The following MYO1B variants were observed in gnomAD, a reference collection of about 807,000 sequenced individuals.
MYO1B encodes the protein myosin IB, also known as unconventional myosin-Ib.
In MYO1B, 72 loss-of-function variants were observed where a neutral mutation model predicts 159.7. The ratio of observed to expected loss-of-function variants is 0.45; its 90% CI spans 0.37 to 0.55. The LOEUF is 0.55. Ranked by LOEUF, MYO1B falls within the 20% of genes least tolerant of loss-of-function variation. MYO1B has a pLI of 0.00. For synonymous variants in MYO1B, 468 were observed against 473.8 expected (o/e 0.99, Z 0.16); for missense variants, 1,062 against 1,364.8 (o/e 0.78, Z 3.50).
intron 24 of MYO1B, among the ~76,000 whole-genome samples, chr2:191,407,303 A>G (rs911224771): frequency 1.3e-5 from 2 of 152,232 alleles, no homozygotes; most frequent in Admixed American, 1.3e-4. Flanking sequence ...GAAAAAAGAT[A>G]TGTAATATCT....
chr2:191,414,746 A>T, intron 29 of MYO1B, 77 bp downstream of exon 29: 1 of 1,482,786 alleles, frequency 6.7e-7, no homozygotes, highest in African/African-American at 1.4e-5. Context: ...TGATAATCCT[A>T]TCGCAGTTTA....
chr2:191,373,091 C>T (rs1418157743), intron 13 of MYO1B, among the ~76,000 whole-genome samples: 1 of 151,916 alleles, frequency 6.6e-6, no homozygotes. Flanking sequence ...ACTTCATGAT[C>T]CACCCACCTC....
chr2:191,413,936 C>T, intron 27 of MYO1B, 112 bp from the exon 28 acceptor site: 2 of 1,091,162 alleles, frequency 1.8e-6, no homozygotes, highest in Non-Finnish European at 2.6e-6. Context: ...AAATTGAAAT[C>T]AATTTTTATG....
At chr2:191,312,853 G>T (rs1197096156) in intron 3 of MYO1B, among the ~76,000 whole-genome samples, 7 of 152,212 alleles carry the variant, frequency 4.6e-5, no homozygotes, top group Admixed American at 2.6e-4. Flanking sequence ...CTGGCATTAG[G>T]TTCATAGTAA....
chr2:191,273,308 A>T (rs1687568394), intron 1 of MYO1B, among the ~76,000 whole-genome samples: 1 of 152,088 alleles, frequency 6.6e-6, no homozygotes, highest in Non-Finnish European at 1.5e-5. Context: ...TTTTTAGTAG[A>T]GACAGGGTTT....
At chr2:191,272,434 C>T (rs555320598) in intron 1 of MYO1B, among the ~76,000 whole-genome samples, 1 of 152,332 alleles carries the variant, frequency 6.6e-6, no homozygotes, top group South Asian at 2.1e-4. Flanking sequence ...TAGTAGAATC[C>T]ACCTGGGGCT....
intron 5 of MYO1B, among the ~76,000 whole-genome samples, chr2:191,344,970 A>C (rs1407286201): frequency 6.6e-6 from 1 of 152,128 alleles, no homozygotes; most frequent in African/African-American, 2.4e-5. Context: ...GAGACTTCTG[A>C]CTGCTTTCAA....
chr2:191,375,997 A>C (rs754815069), intron 13 of MYO1B, among the ~76,000 whole-genome samples: 4 of 152,124 alleles, frequency 2.6e-5, no homozygotes, highest in Admixed American at 6.5e-5. Flanking sequence ...TGTGTGGAAT[A>C]ATTGGAATAT....
At chr2:191,333,941 T>TGCTGTATCTAC (rs1371620460) in intron 4 of MYO1B, among the ~76,000 whole-genome samples, 1 of 152,188 alleles carries the variant, frequency 6.6e-6, no homozygotes, top group Non-Finnish European at 1.5e-5. Context: ...TCTGTACTGA[T>TGCTGTATCTAC]GCTGTATCTA....
intron 2 of MYO1B, among the ~76,000 whole-genome samples, chr2:191,285,834 T>C (rs1688331479): frequency 6.6e-6 from 1 of 152,154 alleles, no homozygotes; most frequent in Admixed American, 6.5e-5. Flanking sequence ...TGTTGGTTCA[T>C]GAGCCGTCCT....
intron 13 of MYO1B, 100 bp from the exon 14 acceptor site, chr2:191,381,361 TC>T: frequency 2.3e-6 from 2 of 862,326 alleles, no homozygotes; most frequent in Non-Finnish European, 3.9e-6. Context: ...ATCTGAGAGA[TC>T]ATGTGTGGCA....
intron 11 of MYO1B, among the ~76,000 whole-genome samples, chr2:191,368,445 C>G (rs1694150281): frequency 6.6e-6 from 1 of 152,146 alleles, no homozygotes; most frequent in Non-Finnish European, 1.5e-5. Flanking sequence ...CTCATTAGTA[C>G]TTACTTACTG....
rs376469536 is a variant in MYO1B at position 191,270,678 on chromosome 2, A to G, written c.-9-6209A>G. On this transcript the variant is annotated intron_variant, in intron 1 of 30. Transcript: ENST00000392318. ...TTAGGTACTGAACCACATCCTACAG[A>G]CTTGGCTCCTCTTTTGCCTTTGTTT... Among the ~76,000 whole-genome samples the G allele has an allele frequency of 8.5e-5, 13 of 152,310 alleles. No individual in the cohort carries two copies. The East Asian group carries it at 1.2e-3, about 14-fold the overall frequency.
At chr2:191,246,479 G>A (rs1685801710) in intron 1 of MYO1B, 1 of 152,128 alleles carries the variant, frequency 6.6e-6, no homozygotes, top group Non-Finnish European at 1.5e-5. Context: ...CAAGTTGTGT[G>A]CTTCTTGAGT....
chr2:191,248,015 G>T (rs573439715), intron 1 of MYO1B: 3 of 985,428 alleles, frequency 3.0e-6, no homozygotes, highest in African/African-American at 1.7e-5. Context: ...TGAGGTGAGT[G>T]GGTGGTGTTT....
At position 191,366,917 on chromosome 2, in the gene MYO1B, A is replaced by G. The variant is rs1279884852; in HGVS notation, c.1033-2625A>G. Among the ~76,000 whole-genome samples, 3 of 151,326 alleles carry G rather than the reference A, an allele frequency of 2.0e-5. No homozygotes were observed. In the South Asian group the frequency reaches 6.3e-4, roughly 32 times the overall value. On this transcript the variant is annotated intron_variant, in intron 11 of 30. Transcript: ENST00000392318. ...GTCCTCTGCTTGTTTCCTCTGTGTT[A>G]GTTTGATCTCCTTAGCTCCACTCTA...
At chr2:191,277,652 A>T (rs1032449149) in intron 2 of MYO1B, among the ~76,000 whole-genome samples, 3 of 152,246 alleles carry the variant, frequency 2.0e-5, no homozygotes, top group Non-Finnish European at 4.4e-5. Flanking sequence ...TAAATATTTT[A>T]AAAACATGAA....
In MYO1B at chr2:191,350,148, T is replaced by C; in HGVS notation, c.499-14T>C. On this transcript the variant is annotated splice_polypyrimidine_tract_variant and intron_variant, in intron 6 of 30. Coordinates refer to ENST00000392318, the MANE Select transcript of MYO1B (RefSeq NM_001130158.3). Reference sequence around the variant, plus strand: ...GAGATGAACTAGAAAACTCACAAAATCTTTCTTTGGCAGGGCAAATATATG... The same window carrying C: ...GAGATGAACTAGAAAACTCACAAAACCTTTCTTTGGCAGGGCAAATATATG... 1 of 1,611,394 alleles carries C rather than the reference T, an allele frequency of 6.2e-7. No individual in the cohort carries two copies. Among genetic ancestry groups the C allele is most frequent in the Non-Finnish European group, 8.5e-7 (1 of 1,178,004 alleles).
At chr2:191,357,390 G>A (rs1693371299) in intron 7 of MYO1B, among the ~76,000 whole-genome samples, 1 of 152,094 alleles carries the variant, frequency 6.6e-6, no homozygotes, top group Admixed American at 6.5e-5. Context: ...GTGGGGCGGG[G>A]GGCAAGTTCT....
Sources: gnomAD v4.1 joint callset for allele counts (sites outside exome capture counted in the v4.1 genomes callset) on GRCh38, gnomAD v4.1.1 for gene constraint, MANE v1.5 for transcripts, NCBI Gene and HGNC (gene_info 2026-07-23, HGNC 2026-07-21) for gene names.